RBFOX1: variants seen among roughly 807,000 people sequenced by gnomAD.
RBFOX1 encodes RNA binding protein fox-1 homolog 1.
Under a neutral mutation model 57.7 loss-of-function variants are expected in RBFOX1, and 8 were observed. The observed-to-expected ratio is 0.14, with a 90% confidence interval of 0.08 to 0.25. The LOEUF (loss-of-function observed/expected upper bound fraction) is 0.25. RBFOX1 is among the 10% of genes least tolerant of loss of function. The pLI, the probability that RBFOX1 is intolerant of heterozygous loss-of-function variation, is 1.00. For missense variants in RBFOX1, 611 were observed against 548.5 expected (o/e 1.11, Z -1.14); for synonymous variants, 326 against 222.4 (o/e 1.47, Z -4.15).
intron 2 of RBFOX1, among the ~76,000 whole-genome samples, chr16:5,560,435 C>G (rs939002173): frequency 2.6e-5 from 4 of 152,118 alleles, no homozygotes; most frequent in Non-Finnish European, 4.4e-5. Flanking sequence ...CTTCTCCCCG[C>G]ACTCCGGTGT....
At position 6,796,896 on chromosome 16, in the gene RBFOX1, C is replaced by T. The variant is rs541249512; in HGVS notation, c.-16+142246C>T. On this transcript the variant is annotated intron_variant, in intron 3 of 15. Coordinates refer to ENST00000550418, the MANE Select transcript of RBFOX1 (RefSeq NM_018723.4). ...TTGTCTTGTTCTTTGTTAAATGTAC[C>T]TATGTCTCCACCCCCTTTCTTCCAC... 9.9e-5 allele frequency among the ~76,000 whole-genome samples: 15 copies of T among 152,188 alleles called. No homozygotes were observed. The South Asian group carries it at 2.5e-3, about 25-fold the overall frequency.
chr16:7,406,113 A>G (rs1244697463), intron 4 of RBFOX1, among the ~76,000 whole-genome samples: 1 of 152,160 alleles, frequency 6.6e-6, no homozygotes, highest in African/African-American at 2.4e-5. Context: ...TTTCTTGGCA[A>G]GATACCCGCA....
intron 1 of RBFOX1, among the ~76,000 whole-genome samples, chr16:6,052,452 G>A (rs1400880600): frequency 2.0e-5 from 3 of 152,002 alleles, no homozygotes; most frequent in South Asian, 2.1e-4. Flanking sequence ...ACCTCTATAC[G>A]CCTTGGTATC....
intron 4 of RBFOX1, among the ~76,000 whole-genome samples, chr16:7,502,556 C>G (rs530367672): frequency 1.1e-4 from 17 of 152,202 alleles, no homozygotes; most frequent in African/African-American, 4.1e-4. Context: ...TATGTTGATT[C>G]ATGGTAGTGA....
intron 4 of RBFOX1, among the ~76,000 whole-genome samples, chr16:7,257,251 G>T (rs17143076): frequency 6.6e-6 from 1 of 151,984 alleles, no homozygotes; most frequent in African/African-American, 2.4e-5. Context: ...CTGAGAGTGC[G>T]ATCCCTGACT....
intron 3 of RBFOX1, among the ~76,000 whole-genome samples, chr16:6,932,838 C>G (rs1021008567): frequency 6.6e-6 from 1 of 152,202 alleles, no homozygotes; most frequent in Non-Finnish European, 1.5e-5. Context: ...CACTGTACAT[C>G]TCTAGAACAT....
chr16:6,330,466 T>C (rs2082882006), intron 2 of RBFOX1, among the ~76,000 whole-genome samples: 1 of 152,110 alleles, frequency 6.6e-6, no homozygotes, highest in South Asian at 2.1e-4. Flanking sequence ...AGGGATATGG[T>C]GAAAGGTGAG....
At chr16:5,788,745 TCA>T (rs138486516) in intron 3 of RBFOX1, among the ~76,000 whole-genome samples, 2 of 150,852 alleles carry the variant, frequency 1.3e-5, no homozygotes, top group Non-Finnish European at 3.0e-5. Context: ...ACATACACAT[TCA>T]CACACACACA....
rs550241055 is a variant in RBFOX1, at chr16:7,151,882, C to T, written c.27+99784C>T. Among the ~76,000 whole-genome samples, 4 of 152,234 alleles carry T rather than the reference C, an allele frequency of 2.6e-5. No homozygotes were observed. The South Asian group carries it at 6.2e-4, about 24-fold the overall frequency. ...TTTCTGCTCCTATGAGAATGTAATG[C>T]TGCTGCCGATCTGACAGGAGGTGGT... On this transcript the variant is annotated intron_variant, in intron 4 of 15. Coordinates refer to ENST00000550418, the MANE Select transcript of RBFOX1 (RefSeq NM_018723.4).
At chr16:7,074,602 C>T (rs2057968794) in intron 4 of RBFOX1, among the ~76,000 whole-genome samples, 2 of 151,930 alleles carry the variant, frequency 1.3e-5, no homozygotes, top group African/African-American at 2.4e-5. Context: ...CATTTAAATA[C>T]ATATAATTGG....
intron 2 of RBFOX1, among the ~76,000 whole-genome samples, chr16:6,349,120 A>G (rs1487568367): frequency 6.6e-6 from 1 of 152,190 alleles, no homozygotes; most frequent in East Asian, 1.9e-4. Flanking sequence ...TCCTATCTGC[A>G]GTAACCTCTG....
intron 9 of RBFOX1, among the ~76,000 whole-genome samples, chr16:7,606,234 G>C (rs2095281700): frequency 6.7e-6 from 1 of 149,788 alleles, no homozygotes; most frequent in Admixed American, 6.8e-5. Flanking sequence ...TGATTCTCCT[G>C]CCTCGGACTC....
intron 2 of RBFOX1, among the ~76,000 whole-genome samples, chr16:5,500,907 G>A (rs1168712832): frequency 6.6e-6 from 1 of 152,196 alleles, no homozygotes; most frequent in Non-Finnish European, 1.5e-5. Context: ...GAGATGTCAT[G>A]TAAGGACAAG....
intron 1 of RBFOX1, among the ~76,000 whole-genome samples, chr16:6,291,478 G>C (rs2077459605): frequency 6.6e-6 from 1 of 152,050 alleles, no homozygotes; most frequent in Non-Finnish European, 1.5e-5. Flanking sequence ...ATAAATCTTG[G>C]GACCTCAAAC....
chr16:7,130,208 A>ATTG (rs2069879521), intron 4 of RBFOX1, among the ~76,000 whole-genome samples: 1 of 151,564 alleles, frequency 6.6e-6, no homozygotes. Context: ...TAATTTTTGT[A>ATTG]TTTTTGGTAG....
At chr16:6,868,560 T>C (rs1463466297) in intron 3 of RBFOX1, among the ~76,000 whole-genome samples, 1 of 152,004 alleles carries the variant, frequency 6.6e-6, no homozygotes, top group African/African-American at 2.4e-5. Flanking sequence ...CAACCTCTGC[T>C]TCCTGGGTTC....
At chr16:6,812,750 T>C (rs934725118) in intron 3 of RBFOX1, among the ~76,000 whole-genome samples, 11 of 152,178 alleles carry the variant, frequency 7.2e-5, no homozygotes, top group Non-Finnish European at 1.3e-4. Flanking sequence ...ACATGGATTG[T>C]TGGAGGCCTC....
At chr16:5,967,992 C>A (rs2059882783) in intron 4 of RBFOX1, among the ~76,000 whole-genome samples, 2 of 152,128 alleles carry the variant, frequency 1.3e-5, no homozygotes, top group African/African-American at 4.8e-5. Context: ...GCTTTATAAA[C>A]CCTCAGTCTT....
chr16:5,415,650 A>C (rs1197072102), intron 1 of RBFOX1, among the ~76,000 whole-genome samples: 1 of 152,192 alleles, frequency 6.6e-6, no homozygotes, highest in Non-Finnish European at 1.5e-5. Flanking sequence ...CATTGCATTT[A>C]TTTTTACTTG....
Sources: gnomAD v4.1 joint callset for allele counts (sites outside exome capture counted in the v4.1 genomes callset) on GRCh38, gnomAD v4.1.1 for gene constraint, MANE v1.5 for transcripts, NCBI Gene and HGNC (gene_info 2026-07-23, HGNC 2026-07-21) for gene names.